The following UBE2R2 variants were observed in gnomAD, a reference collection of about 807,000 sequenced individuals.
UBE2R2 encodes the protein ubiquitin-conjugating enzyme E2 R2.
A neutral mutation model predicts 27.8 loss-of-function variants in UBE2R2; 1 was observed. That is an observed-to-expected ratio of 0.04 (90% CI 0.01 to 0.17). The LOEUF is 0.17. UBE2R2 is among the 10% of genes least tolerant of loss of function. The pLI is 1.00. For missense variants in UBE2R2, 100 were observed against 291.0 expected (o/e 0.34, Z 4.78); for synonymous variants, 106 against 113.3 (o/e 0.94, Z 0.41).
At position 33,899,398 on chromosome 9, in the gene UBE2R2, G is replaced by A. The variant is rs139906118; in HGVS notation, c.265-776G>A. Among the ~76,000 whole-genome samples the A allele has an allele frequency of 4.1e-3, 600 of 147,222 alleles. 2 individuals carry two copies. Among genetic ancestry groups the A allele is most frequent in the African/African-American group, 0.015 (580 of 39,290 alleles). ...TCTTTTGTTTTTGTTTTTTTGAGAC[G>A]GAGTCTCCCTCTGTTGCCCAGGATG... On this transcript the variant is annotated intron_variant, in intron 2 of 4. Coordinates refer to ENST00000263228, the MANE Select transcript of UBE2R2 (RefSeq NM_017811.4).
rs370472838 is a variant in UBE2R2, at chr9:33,869,866, G to A, written c.178-17015G>A. 2.0e-5 allele frequency among the ~76,000 whole-genome samples: 3 copies of A among 151,494 alleles called. No homozygotes were observed. In the East Asian group the frequency reaches 5.8e-4, roughly 29 times the overall value. ...TGTTTTTGTTTTTTTATTTTTTTGAGATGGAGTTTCGCTCTTGTTGCCCAG... is the reference window on the plus strand; with the variant it reads ...TGTTTTTGTTTTTTTATTTTTTTGAAATGGAGTTTCGCTCTTGTTGCCCAG... On this transcript the variant is annotated intron_variant, in intron 1 of 4. Transcript: ENST00000263228.
chr9:33,886,859 A>G, intron 1 of UBE2R2, 22 bp from the exon 2 acceptor site: 2 of 1,554,940 alleles, frequency 1.3e-6, no homozygotes, highest in South Asian at 1.2e-5. Flanking sequence ...ATTTATTAGC[A>G]TTTCATTTTT....
In UBE2R2 at chr9:33,917,948, TG is replaced by T. The variant is rs1353692286; in HGVS notation, c.*714del. ...TCAGACTTTGTTTTTTGAAATCGAT[TG>T]GGATCGAAAGCCTGAAATAAATATT... On this transcript the variant is annotated 3_prime_UTR_variant, in exon 5 of 5. Coordinates refer to ENST00000263228, the MANE Select transcript of UBE2R2 (RefSeq NM_017811.4). 3 of 153,666 alleles carry T rather than the reference TG, an allele frequency of 2.0e-5. No homozygotes were observed. Among genetic ancestry groups the T allele is most frequent in the African/African-American group, 7.2e-5 (3 of 41,432 alleles). 9.5% of individuals were successfully genotyped at this position (153,666 alleles called of 1,614,324 possible). A position where few individuals can be genotyped will look rare whatever the true frequency, so the allele number is the denominator to read the frequency against.
intron 1 of UBE2R2, among the ~76,000 whole-genome samples, chr9:33,856,161 G>A (rs1821096344): frequency 6.6e-6 from 1 of 152,154 alleles, no homozygotes; most frequent in African/African-American, 2.4e-5. Context: ...AAGCATAAAT[G>A]GGTGAGAACC....
rs71506142 is a variant in UBE2R2 at position 33,853,224 on chromosome 9, C to CAA, written c.178-33643_178-33642dup. Among the ~76,000 whole-genome samples, 449 of 108,198 alleles carry CAA rather than the reference C, an allele frequency of 4.1e-3. 4 individuals carry two copies. Among genetic ancestry groups the CAA allele is most frequent in the African/African-American group, 0.013 (373 of 29,626 alleles). 71.0% of individuals were successfully genotyped at this position (108,198 alleles called of 152,430 possible). ...AAAAATATTCTCTCTCCCTCTGTCT[C>CAA]AAAAAAAAAAAAAAAGATTCTCTCT... On this transcript the variant is annotated intron_variant, in intron 1 of 4. Coordinates refer to ENST00000263228, the MANE Select transcript of UBE2R2 (RefSeq NM_017811.4).
chr9:33,868,836 G>A (rs1821420253), intron 1 of UBE2R2, among the ~76,000 whole-genome samples: 1 of 152,116 alleles, frequency 6.6e-6, no homozygotes, highest in African/African-American at 2.4e-5. Flanking sequence ...AAATACAACA[G>A]TAACCACTAC....
intron 2 of UBE2R2, among the ~76,000 whole-genome samples, chr9:33,895,687 A>C (rs1822086553): frequency 6.6e-6 from 1 of 151,990 alleles, no homozygotes; most frequent in African/African-American, 2.4e-5. Flanking sequence ...AGATCTTTTA[A>C]AATTTCTTTG....
In UBE2R2 at chr9:33,817,380, C is replaced by A. The variant is rs1825814230; in HGVS notation, c.-378C>A. Among the ~76,000 whole-genome samples the A allele has an allele frequency of 6.7e-6, 1 of 149,726 alleles. No individual in the cohort carries two copies. Among genetic ancestry groups the A allele is most frequent in the Non-Finnish European group, 1.5e-5 (1 of 66,948 alleles). ...GGCGTTCCCGGGCCGGCCCGGCCCC[C>A]TCCCTTCACCATCGCCGGCCCTCCG... On this transcript the variant is annotated 5_prime_UTR_variant, in exon 1 of 5. Coordinates refer to ENST00000263228, the MANE Select transcript of UBE2R2 (RefSeq NM_017811.4).
At chr9:33,858,785 T>C (rs554844283) in intron 1 of UBE2R2, among the ~76,000 whole-genome samples, 14 of 152,228 alleles carry the variant, frequency 9.2e-5, no homozygotes, top group African/African-American at 3.4e-4. Flanking sequence ...TAGTGTATTC[T>C]CTTTACATTT....
chr9:33,901,013 C>T (rs1339713919), intron 3 of UBE2R2, among the ~76,000 whole-genome samples: 5 of 152,224 alleles, frequency 3.3e-5, no homozygotes, highest in East Asian at 1.9e-4. Flanking sequence ...TGGTGTGCAG[C>T]GGTGTGATCA....
chr9:33,841,392 C>G (rs947392495), intron 1 of UBE2R2, among the ~76,000 whole-genome samples: 1 of 152,076 alleles, frequency 6.6e-6, no homozygotes, highest in African/African-American at 2.4e-5. Context: ...ATGTCTTTGG[C>G]CAGTTGGAGC....
chr9:33,835,174 A>G (rs527260366), intron 1 of UBE2R2, among the ~76,000 whole-genome samples: 274 of 122,064 alleles, frequency 2.2e-3, no homozygotes, highest in Non-Finnish European at 3.2e-3. Flanking sequence ...TTGAGACCCA[A>G]TCTCTTTCTG....
intron 3 of UBE2R2, among the ~76,000 whole-genome samples, chr9:33,902,747 A>G (rs554809488): frequency 6.6e-6 from 1 of 152,344 alleles, no homozygotes; most frequent in South Asian, 2.1e-4. Flanking sequence ...TGTCCTACGT[A>G]GCAAATTATG....
intron 1 of UBE2R2, among the ~76,000 whole-genome samples, chr9:33,853,879 G>A (rs1004709284): frequency 1.4e-5 from 2 of 146,284 alleles, no homozygotes; most frequent in Non-Finnish European, 3.0e-5. Context: ...AATATTTTGT[G>A]GAGTCCAGAT....
intron 4 of UBE2R2, 125 bp downstream of exon 4, chr9:33,912,223 TG>T: frequency 1.1e-6 from 1 of 875,200 alleles, no homozygotes; most frequent in Non-Finnish European, 1.7e-6. Flanking sequence ...AGATTTATAG[TG>T]TGGGAAGAGA....
rs555439739 is a variant in UBE2R2, at chr9:33,867,669, A to T, written c.178-19212A>T. Reference sequence around the variant, plus strand: ...ACTGAATTTATTTACTGGCATTTAGATATCCTCTTTTGTGAAATGCCTGTT... The same window carrying T: ...ACTGAATTTATTTACTGGCATTTAGTTATCCTCTTTTGTGAAATGCCTGTT... On this transcript the variant is annotated intron_variant, in intron 1 of 4. Coordinates refer to ENST00000263228, the MANE Select transcript of UBE2R2 (RefSeq NM_017811.4). 5.3e-5 allele frequency among the ~76,000 whole-genome samples: 8 copies of T among 152,306 alleles called. No individual in the cohort carries two copies. The East Asian group carries it at 1.5e-3, about 29-fold the overall frequency.
At chr9:33,914,982 T>A (rs1400221588) in intron 4 of UBE2R2, among the ~76,000 whole-genome samples, 1 of 151,822 alleles carries the variant, frequency 6.6e-6, no homozygotes, top group Non-Finnish European at 1.5e-5. Context: ...ACAAAAAAAT[T>A]AGCCAGGAGA....
At chr9:33,854,018 G>A (rs34946782) in intron 1 of UBE2R2, among the ~76,000 whole-genome samples, 21,186 of 151,858 alleles carry the variant, frequency 0.14, 1,634 homozygotes, top group Non-Finnish European at 0.16. Context: ...ACTTTTTTAT[G>A]AATTGTTTTA....
At chr9:33,849,312 C>T (rs1587442975) in intron 1 of UBE2R2, among the ~76,000 whole-genome samples, 1 of 152,030 alleles carries the variant, frequency 6.6e-6, no homozygotes, top group Non-Finnish European at 1.5e-5. Context: ...GTGCACTGCT[C>T]TGTGCTGAGT....
Sources: gnomAD v4.1 joint callset for allele counts (sites outside exome capture counted in the v4.1 genomes callset) on GRCh38, gnomAD v4.1.1 for gene constraint, MANE v1.5 for transcripts, NCBI Gene and HGNC (gene_info 2026-07-23, HGNC 2026-07-21) for gene names.